Variants in LOC128125817 observed in about 807,000 individuals in gnomAD.
At chr1:41,625,149 C>T in the LOC128125817 span, among the ~76,000 whole-genome samples, 1 of 103,768 alleles carries the variant, frequency 9.6e-6, no homozygotes, top group Non-Finnish European at 1.7e-5. Flanking sequence ...GCTGACAGAG[C>T]GAGATTCCAA....
chr1:41,599,556 A>T, the LOC128125817 span, among the ~76,000 whole-genome samples: 1 of 152,192 alleles, frequency 6.6e-6, no homozygotes, highest in East Asian at 1.9e-4. Context: ...AAGGCAGTCA[A>T]CGCACCTGAA....
chr1:41,605,391 A>ACGCG, the LOC128125817 span, among the ~76,000 whole-genome samples: 1 of 151,904 alleles, frequency 6.6e-6, no homozygotes, highest in African/African-American at 2.4e-5. Flanking sequence ...ACACACACAC[A>ACGCG]CACACACACA....
the LOC128125817 span, among the ~76,000 whole-genome samples, chr1:41,587,281 A>G: frequency 7.9e-5 from 12 of 152,354 alleles, no homozygotes; most frequent in South Asian, 2.1e-4. Context: ...ATATTTGTCA[A>G]TGAAAGACTG....
At chr1:41,593,513 C>T in the LOC128125817 span, among the ~76,000 whole-genome samples, 1 of 152,144 alleles carries the variant, frequency 6.6e-6, no homozygotes, top group Non-Finnish European at 1.5e-5. Context: ...ATGAGTATAT[C>T]ACAGGCTAAC....
the LOC128125817 span, among the ~76,000 whole-genome samples, chr1:41,614,049 G>A: frequency 6.6e-6 from 1 of 152,224 alleles, no homozygotes; most frequent in Non-Finnish European, 1.5e-5. Context: ...CACGCAGGTT[G>A]GAGCTGGCCG....
At chr1:41,596,713 C>T in the LOC128125817 span, among the ~76,000 whole-genome samples, 1 of 152,196 alleles carries the variant, frequency 6.6e-6, no homozygotes, top group Non-Finnish European at 1.5e-5. Flanking sequence ...AGGGCTGAGG[C>T]TAATTGCTTC....
chr1:41,587,561 G>A, the LOC128125817 span, among the ~76,000 whole-genome samples: 5 of 152,302 alleles, frequency 3.3e-5, no homozygotes, highest in South Asian at 4.1e-4. Context: ...TTTGCCTTAC[G>A]GCCAAAACTA....
At chr1:41,593,637 G>T in the LOC128125817 span, among the ~76,000 whole-genome samples, 1 of 152,256 alleles carries the variant, frequency 6.6e-6, no homozygotes, top group Non-Finnish European at 1.5e-5. Context: ...TGGCGGGTGA[G>T]CACTATTTCC....
At chr1:41,608,813 T>TGTAA in the LOC128125817 span, among the ~76,000 whole-genome samples, 1 of 151,910 alleles carries the variant, frequency 6.6e-6, no homozygotes, top group African/African-American at 2.4e-5. Context: ...GGCTCACACC[T>TGTAA]GTAATCCCAG....
chr1:41,627,178 C>T, the LOC128125817 span, among the ~76,000 whole-genome samples: 20 of 152,334 alleles, frequency 1.3e-4, no homozygotes, highest in African/African-American at 2.6e-4. Context: ...TGCCCACACA[C>T]GCCAGAAGGG....
the LOC128125817 span, among the ~76,000 whole-genome samples, chr1:41,627,120 T>A: frequency 0.43 from 65,914 of 151,954 alleles, 14,821 homozygotes; most frequent in Non-Finnish European, 0.5. Context: ...GGGCAGGGCA[T>A]GCAGATGGCA....
the LOC128125817 span, among the ~76,000 whole-genome samples, chr1:41,597,210 C>T: frequency 1.3e-5 from 2 of 152,118 alleles, no homozygotes; most frequent in African/African-American, 4.8e-5. Context: ...TATTTGTCTT[C>T]CTGTTAGAGA....
chr1:41,616,472 C>T, the LOC128125817 span, among the ~76,000 whole-genome samples: 1 of 152,108 alleles, frequency 6.6e-6, no homozygotes. Context: ...GTTGAAGGGA[C>T]TGCCAAGGAC....
At chr1:41,602,644 A>C in the LOC128125817 span, among the ~76,000 whole-genome samples, 1 of 151,940 alleles carries the variant, frequency 6.6e-6, no homozygotes, top group East Asian at 1.9e-4. Context: ...AGCATAGCTA[A>C]TGATTTGTCA....
the LOC128125817 span, among the ~76,000 whole-genome samples, chr1:41,592,779 A>G: frequency 1.3e-5 from 2 of 152,314 alleles, no homozygotes; most frequent in South Asian, 4.1e-4. Context: ...ATAACATTCT[A>G]ACCTCACTCA....
At chr1:41,613,347 C>T in the LOC128125817 span, among the ~76,000 whole-genome samples, 1 of 152,328 alleles carries the variant, frequency 6.6e-6, no homozygotes, top group East Asian at 1.9e-4. Flanking sequence ...GGGCGGGTCT[C>T]GTGACATTTT....
chr1:41,623,596 T>A, the LOC128125817 span, among the ~76,000 whole-genome samples: 2 of 152,206 alleles, frequency 1.3e-5, no homozygotes, highest in African/African-American at 4.8e-5. Flanking sequence ...CTCTCTTCCT[T>A]GCACCCACTG....
chr1:41,620,632 C>T, the LOC128125817 span, among the ~76,000 whole-genome samples: 1 of 152,160 alleles, frequency 6.6e-6, no homozygotes, highest in African/African-American at 2.4e-5. Flanking sequence ...CAGCACGCCC[C>T]AATCCTGCAT....
At chr1:41,586,489 C>T in the LOC128125817 span, among the ~76,000 whole-genome samples, 2 of 147,050 alleles carry the variant, frequency 1.4e-5, no homozygotes, top group African/African-American at 4.9e-5. Context: ...CCTGGCATCC[C>T]TTGGCGAGGC....
Sources: gnomAD v4.1 joint callset for allele counts (sites outside exome capture counted in the v4.1 genomes callset) on GRCh38, gnomAD v4.1.1 for gene constraint, MANE v1.5 for transcripts.